GPM6B: variants seen among roughly 807,000 people sequenced by gnomAD.
The protein encoded by GPM6B is glycoprotein M6B, also known as neuronal membrane glycoprotein M6-b.
A neutral mutation model predicts 27.2 loss-of-function variants in GPM6B; 4 were observed. That is an observed-to-expected ratio of 0.15 (90% confidence interval 0.07 to 0.34). The LOEUF is 0.34. GPM6B is among the 10% of genes least tolerant of loss of function. GPM6B has a pLI of 1.00. For synonymous variants in GPM6B, 124 were observed against 103.1 expected (o/e 1.20, Z -1.23); for missense variants, 183 against 261.9 (o/e 0.70, Z 2.08).
intron 1 of GPM6B, among the ~76,000 whole-genome samples, chrX:13,935,585 A>G (rs969167156): frequency 2.8e-4 from 31 of 112,273 alleles, no homozygotes; most frequent in African/African-American, 9.8e-4. Flanking sequence ...CTCTGGATAC[A>G]TAAGCCATAT....
chrX:13,861,689 T>C (rs967179388), intron 1 of GPM6B, among the ~76,000 whole-genome samples: 6 of 112,185 alleles, frequency 5.3e-5, no homozygotes, highest in South Asian at 3.7e-4. Context: ...AAATCTCTTT[T>C]AGGCTCTTAG....
chrX:13,811,450 A>G (rs1026180157), intron 1 of GPM6B, among the ~76,000 whole-genome samples: 1 of 112,379 alleles, frequency 8.9e-6, no homozygotes. Flanking sequence ...TCAAAGCTAT[A>G]TTTGTTATCT....
intron 2 of GPM6B, among the ~76,000 whole-genome samples, 167 bp downstream of exon 2, chrX:13,807,483 A>G (rs1177485305): frequency 1.8e-5 from 2 of 112,620 alleles, no homozygotes; most frequent in South Asian, 3.7e-4. Context: ...AGAGAAAAAG[A>G]AAGATGATTA....
At chrX:13,782,153 C>T (rs1027747613) in intron 4 of GPM6B, among the ~76,000 whole-genome samples, 1 of 112,223 alleles carries the variant, frequency 8.9e-6, no homozygotes, top group Non-Finnish European at 1.9e-5. Context: ...GAGATGCAGA[C>T]AGCGCATGAA....
intron 1 of GPM6B, among the ~76,000 whole-genome samples, chrX:13,861,830 G>T (rs916836666): frequency 8.9e-6 from 1 of 111,841 alleles, no homozygotes; most frequent in African/African-American, 3.3e-5. Context: ...CCCTAACATG[G>T]ATTTCCTGGC....
intron 2 of GPM6B, among the ~76,000 whole-genome samples, chrX:13,793,473 C>G (rs1024707250): frequency 3.6e-5 from 4 of 111,703 alleles, no homozygotes; most frequent in Non-Finnish European, 7.5e-5. Flanking sequence ...AATTAACTTT[C>G]TAAATTGATT....
chrX:13,931,381 C>T (rs934661936), intron 1 of GPM6B, among the ~76,000 whole-genome samples: 9 of 106,486 alleles, frequency 8.5e-5, no homozygotes, highest in Admixed American at 2.0e-4. Flanking sequence ...CCAGCTACTC[C>T]GGAGGCTGAG....
intron 2 of GPM6B, among the ~76,000 whole-genome samples, chrX:13,787,662 G>A (rs962397696): frequency 1.8e-5 from 2 of 112,495 alleles, no homozygotes; most frequent in Non-Finnish European, 3.8e-5. Context: ...AGATGTTAGA[G>A]CTCAATCTTA....
chrX:13,775,302 T>C (rs2048391231), intron 7 of GPM6B, among the ~76,000 whole-genome samples: 1 of 113,223 alleles, frequency 8.8e-6, no homozygotes, highest in Non-Finnish European at 1.9e-5. Flanking sequence ...TCTTTCGCAG[T>C]TATTAGCAGA....
intron 1 of GPM6B, among the ~76,000 whole-genome samples, chrX:13,892,375 A>C (rs1369043128): frequency 9.0e-6 from 1 of 111,589 alleles, no homozygotes; most frequent in Non-Finnish European, 1.9e-5. Flanking sequence ...GGACTAACAT[A>C]GATCATAATA....
intron 4 of GPM6B, among the ~76,000 whole-genome samples, chrX:13,781,459 G>A (rs919906406): frequency 8.9e-6 from 1 of 111,850 alleles, no homozygotes. Flanking sequence ...GAAATTCCTC[G>A]TGGACAAAGG....
intron 2 of GPM6B, among the ~76,000 whole-genome samples, chrX:13,804,278 G>T (rs1281075465): frequency 9.0e-6 from 1 of 111,100 alleles, no homozygotes; most frequent in African/African-American, 3.3e-5. Flanking sequence ...ATCTACAACA[G>T]TCTGGAAGTG....
intron 1 of GPM6B, among the ~76,000 whole-genome samples, chrX:13,873,223 C>T (rs1460253528): frequency 2.7e-5 from 3 of 109,870 alleles, no homozygotes; most frequent in Non-Finnish European, 5.7e-5. Flanking sequence ...ACTTCAAGAA[C>T]CTGAGGTTAG....
At chrX:13,860,438 G>GTTTTT (rs34401183) in intron 1 of GPM6B, among the ~76,000 whole-genome samples, 14 of 86,302 alleles carry the variant, frequency 1.6e-4, no homozygotes, top group African/African-American at 4.7e-4. Context: ...AAAACGTGGG[G>GTTTTT]TTTTTTTTTT....
intron 1 of GPM6B, among the ~76,000 whole-genome samples, chrX:13,830,268 A>G (rs949746138): frequency 4.5e-5 from 5 of 112,026 alleles, no homozygotes; most frequent in African/African-American, 1.6e-4. Flanking sequence ...ACAGTCCTAA[A>G]GGTCACACTT....
chrX:13,797,898 T>C (rs2048846497), intron 2 of GPM6B, among the ~76,000 whole-genome samples: 1 of 111,695 alleles, frequency 9.0e-6, no homozygotes, highest in African/African-American at 3.3e-5. Flanking sequence ...AGAGAATTTA[T>C]GTGAACACAT....
chrX:13,807,625 G>T (rs187272134), intron 2 of GPM6B, 25 bp downstream of exon 2: 941 of 1,110,218 alleles, frequency 8.5e-4, no homozygotes, highest in Admixed American at 7.2e-3. Flanking sequence ...CTTGCTATTA[G>T]AATTCACCCC....
intron 1 of GPM6B, among the ~76,000 whole-genome samples, chrX:13,849,821 A>C (rs1297247568): frequency 9.1e-6 from 1 of 109,797 alleles, no homozygotes. Flanking sequence ...GCATTTTGGG[A>C]GGCTGAGGGG....
At chrX:13,806,719 C>G (rs1380433068) in intron 2 of GPM6B, among the ~76,000 whole-genome samples, 1 of 111,600 alleles carries the variant, frequency 9.0e-6, no homozygotes, top group Non-Finnish European at 1.9e-5. Context: ...CTTTCTGGAG[C>G]TGTACCATGC....
Sources: gnomAD v4.1 joint callset for allele counts (sites outside exome capture counted in the v4.1 genomes callset) on GRCh38, gnomAD v4.1.1 for gene constraint, MANE v1.5 for transcripts, NCBI Gene and HGNC (gene_info 2026-07-23, HGNC 2026-07-21) for gene names.